The following EIF4G3 variants were observed in gnomAD, a reference collection of about 807,000 sequenced individuals.
The protein encoded by EIF4G3 is eIF-4-gamma 3.
A neutral mutation model predicts 186.4 loss-of-function variants in EIF4G3; 34 were observed. The ratio of observed to expected loss-of-function variants is 0.18; its 90% CI spans 0.14 to 0.24. EIF4G3 has a LOEUF of 0.24. EIF4G3 is among the 10% of genes least tolerant of loss of function. The pLI is 1.00. For synonymous variants in EIF4G3, 673 were observed against 679.5 expected (o/e 0.99, Z 0.15); for missense variants, 1,536 against 1,948.5 (o/e 0.79, Z 3.99).
intron 12 of EIF4G3, among the ~76,000 whole-genome samples, chr1:20,968,898 A>AG (rs2075274924): frequency 6.6e-6 from 1 of 152,122 alleles, no homozygotes; most frequent in Non-Finnish European, 1.5e-5. Flanking sequence ...GGTACTGTGG[A>AG]GGGGGCATCT....
At chr1:21,098,920 A>G (rs1486982536) in intron 2 of EIF4G3, among the ~76,000 whole-genome samples, 1 of 152,170 alleles carries the variant, frequency 6.6e-6, no homozygotes, top group Non-Finnish European at 1.5e-5. Flanking sequence ...TATAGGCACG[A>G]CCCACTGTGC....
rs2095374452 is a variant in EIF4G3 at position 21,069,462 on chromosome 1, T to C, written c.-195-18468A>G. Among the ~76,000 whole-genome samples the C allele has an allele frequency of 2.6e-5, 4 of 152,214 alleles. No individual in the cohort carries two copies. In the South Asian group the frequency reaches 8.3e-4, roughly 31 times the overall value. On this transcript the variant is annotated intron_variant, in intron 3 of 36. Coordinates refer to ENST00000602326, the MANE Select transcript of EIF4G3 (RefSeq NM_001391906.1). ...ACTCTTAAAGACAAGGATCATAGTG[T>C]CCACCACTGCTTTCTCACATTACCA...
intron 34 of EIF4G3, among the ~76,000 whole-genome samples, chr1:20,813,662 T>A (rs886345559): frequency 2.6e-5 from 4 of 151,288 alleles, no homozygotes; most frequent in Admixed American, 6.6e-5. Context: ...AGGTCAGGAG[T>A]TCGAGACCAA....
At chr1:20,865,382 G>A in intron 20 of EIF4G3, 120 bp from the exon 21 acceptor site, 1 of 1,059,294 alleles carries the variant, frequency 9.4e-7, no homozygotes, top group Non-Finnish European at 1.3e-6. Context: ...TTCTATAAGA[G>A]GCAAACAATA....
intron 3 of EIF4G3, chr1:21,065,088 CTAGT>C (rs2095165944): frequency 6.6e-6 from 1 of 152,176 alleles, no homozygotes; most frequent in African/African-American, 2.4e-5. Flanking sequence ...TGCTAATCAA[CTAGT>C]TATTTAACTG....
At chr1:21,085,039 T>C (rs1246252059) in intron 3 of EIF4G3, among the ~76,000 whole-genome samples, 2 of 151,634 alleles carry the variant, frequency 1.3e-5, no homozygotes, top group African/African-American at 2.4e-5. Context: ...AAACAATATA[T>C]AACCATTTAT....
intron 2 of EIF4G3, among the ~76,000 whole-genome samples, chr1:21,136,093 GA>G (rs1474320965): frequency 6.6e-6 from 1 of 152,154 alleles, no homozygotes; most frequent in African/African-American, 2.4e-5. Context: ...TGAGACAGGA[GA>G]ATGGCGTGAA....
intron 14 of EIF4G3, among the ~76,000 whole-genome samples, chr1:20,925,636 C>T (rs2094831258): frequency 6.6e-6 from 1 of 152,172 alleles, no homozygotes; most frequent in African/African-American, 2.4e-5. Flanking sequence ...TGGGCTCAAG[C>T]AATCTTTCTG....
intron 3 of EIF4G3, among the ~76,000 whole-genome samples, chr1:21,060,115 C>A (rs2094811135): frequency 1.3e-5 from 2 of 152,144 alleles, no homozygotes; most frequent in South Asian, 4.1e-4. Context: ...CCATGCCCGG[C>A]TAATTTTTTA....
chr1:20,861,896 C>T (rs990375174), intron 23 of EIF4G3, among the ~76,000 whole-genome samples: 3 of 152,062 alleles, frequency 2.0e-5, no homozygotes, highest in African/African-American at 4.8e-5. Context: ...ATCATCTGAA[C>T]CTGGGAGGCG....
At chr1:20,874,746 T>C (rs1438086498) in intron 20 of EIF4G3, among the ~76,000 whole-genome samples, 2 of 152,178 alleles carry the variant, frequency 1.3e-5, no homozygotes, top group Admixed American at 6.5e-5. Context: ...TTATCCTTCA[T>C]GTTTTGAATT....
At chr1:20,915,766 C>T (rs144021862) in intron 14 of EIF4G3, among the ~76,000 whole-genome samples, 1 of 152,110 alleles carries the variant, frequency 6.6e-6, no homozygotes, top group Non-Finnish European at 1.5e-5. Context: ...TCATACTTAA[C>T]GGTAAAAGAT....
At position 20,850,676 on chromosome 1, in the gene EIF4G3, A is replaced by G. The variant is rs114821877; in HGVS notation, c.3772+582T>C. Among the ~76,000 whole-genome samples, 1,378 of 152,314 alleles carry G rather than the reference A, an allele frequency of 9.0e-3. 11 individuals carry two copies. Among genetic ancestry groups the G allele is most frequent in the South Asian group, 0.024 (118 of 4,824 alleles). ...GTTTACGTGTATTAACTTCTTATTT[A>G]ATTTTCATAATATCCTGAAAAGGTA... On this transcript the variant is annotated intron_variant, in intron 28 of 36. Coordinates refer to ENST00000602326, the MANE Select transcript of EIF4G3 (RefSeq NM_001391906.1).
chr1:20,857,175 A>AAAAAAG (rs1184221597), intron 25 of EIF4G3, among the ~76,000 whole-genome samples: 11 of 150,486 alleles, frequency 7.3e-5, no homozygotes, highest in East Asian at 1.9e-4. Context: ...AAAAAAAAAA[A>AAAAAAG]AAAAGAAAAT....
chr1:20,951,085 T>A (rs1487083424), intron 12 of EIF4G3, among the ~76,000 whole-genome samples: 1 of 151,816 alleles, frequency 6.6e-6, no homozygotes, highest in Non-Finnish European at 1.5e-5. Context: ...TTTTTTTTTC[T>A]GGGGAGTAGG....
At chr1:20,842,212 C>T (rs188139163) in intron 29 of EIF4G3, among the ~76,000 whole-genome samples, 1 of 152,262 alleles carries the variant, frequency 6.6e-6, no homozygotes, top group East Asian at 1.9e-4. Context: ...CTCTGAATGT[C>T]TAATATAGCT....
intron 30 of EIF4G3, among the ~76,000 whole-genome samples, chr1:20,837,021 A>G (rs1274705135): frequency 6.6e-6 from 1 of 152,200 alleles, no homozygotes; most frequent in Non-Finnish European, 1.5e-5. Context: ...TACAGCAACT[A>G]TTATGCTCAC....
rs1224617745 is a variant in EIF4G3 at position 20,813,257 on chromosome 1, T to G, written c.4516-18A>C. 3.5e-5 allele frequency: 55 copies of G among 1,590,762 alleles called. No homozygotes were observed. The highest frequency in any genetic ancestry group is 4.7e-5 in the Non-Finnish European group (55 of 1,160,694). ...AGATTAGCCTGAAGTCAAAAAGAAA[T>G]AAAACAATTAAAGATACCTTGCTCA... On this transcript the variant is annotated intron_variant, in intron 34 of 36. Coordinates refer to ENST00000602326, the MANE Select transcript of EIF4G3 (RefSeq NM_001391906.1).
At chr1:21,116,210 T>A (rs945775210) in intron 2 of EIF4G3, among the ~76,000 whole-genome samples, 2 of 152,224 alleles carry the variant, frequency 1.3e-5, no homozygotes, top group Non-Finnish European at 2.9e-5. Context: ...TGTACAACAG[T>A]CCATATAACA....
Sources: gnomAD v4.1 joint callset for allele counts (sites outside exome capture counted in the v4.1 genomes callset) on GRCh38, gnomAD v4.1.1 for gene constraint, MANE v1.5 for transcripts, NCBI Gene and HGNC (gene_info 2026-07-23, HGNC 2026-07-21) for gene names.